The following MGAT4C variants were observed in gnomAD, a reference collection of about 807,000 sequenced individuals.
MGAT4C encodes the protein alpha-1,3-mannosyl-glycoprotein 4-beta-N-acetylglucosaminyltransferase C.
In MGAT4C, 19 loss-of-function variants were observed where a neutral mutation model predicts 40.1. That is an observed-to-expected ratio of 0.47 (90% CI 0.33 to 0.70). MGAT4C has a LOEUF of 0.70. Ranked by LOEUF, MGAT4C falls within the 30% of genes least tolerant of loss-of-function variation. The pLI, the probability that MGAT4C is intolerant of heterozygous loss-of-function variation, is 0.02. For missense variants in MGAT4C, 491 were observed against 563.2 expected (o/e 0.87, Z 1.30); for synonymous variants, 181 against 187.1 (o/e 0.97, Z 0.27).
At chr12:86,313,162 T>G (rs1954121486) in intron 4 of MGAT4C, among the ~76,000 whole-genome samples, 1 of 152,150 alleles carries the variant, frequency 6.6e-6, no homozygotes, top group Admixed American at 6.5e-5. Context: ...TTTTAAACGG[T>G]ATTGTTTTAA....
At chr12:86,095,601 C>A (rs1239517667) in intron 1 of MGAT4C, among the ~76,000 whole-genome samples, 1 of 149,760 alleles carries the variant, frequency 6.7e-6, no homozygotes, top group Non-Finnish European at 1.5e-5. Flanking sequence ...ATGCTTTTAG[C>A]TTTCCTTTTC....
chr12:86,519,193 A>AT (rs1344270817), intron 2 of MGAT4C, among the ~76,000 whole-genome samples: 1 of 152,196 alleles, frequency 6.6e-6, no homozygotes, highest in Admixed American at 6.5e-5. Flanking sequence ...TTCACTTAAC[A>AT]TAATTACCTC....
intron 1 of MGAT4C, among the ~76,000 whole-genome samples, chr12:86,246,320 G>A (rs1952026864): frequency 6.6e-6 from 1 of 151,794 alleles, no homozygotes; most frequent in African/African-American, 2.4e-5. Flanking sequence ...GGAGTAGCTG[G>A]GACTACAGGC....
At chr12:86,606,357 T>C (rs1191781808) in intron 2 of MGAT4C, among the ~76,000 whole-genome samples, 1 of 152,142 alleles carries the variant, frequency 6.6e-6, no homozygotes, top group African/African-American at 2.4e-5. Context: ...GGTGTGGACG[T>C]GGATAAATAT....
chr12:86,481,207 T>G (rs1442217812), intron 2 of MGAT4C, among the ~76,000 whole-genome samples: 1 of 152,050 alleles, frequency 6.6e-6, no homozygotes, highest in African/African-American at 2.4e-5. Flanking sequence ...TTTTTAAAAT[T>G]TTCTTGGTAA....
At chr12:85,996,403 T>C (rs562253215) in intron 2 of MGAT4C, among the ~76,000 whole-genome samples, 1 of 152,108 alleles carries the variant, frequency 6.6e-6, no homozygotes, top group African/African-American at 2.4e-5. Flanking sequence ...ATAATACAAA[T>C]AAAGCACAGA....
chr12:86,276,115 C>CA (rs138008496), intron 4 of MGAT4C, among the ~76,000 whole-genome samples: 92,854 of 142,256 alleles, frequency 0.65, 30,091 homozygotes, highest in South Asian at 0.74. Context: ...AAGACTCCGT[C>CA]AAAAAAAAAA....
At chr12:86,101,328 G>T (rs1181244698) in intron 1 of MGAT4C, among the ~76,000 whole-genome samples, 1 of 151,744 alleles carries the variant, frequency 6.6e-6, no homozygotes, top group Non-Finnish European at 1.5e-5. Context: ...TATTTACACA[G>T]AGGGTGTCTA....
intron 1 of MGAT4C, among the ~76,000 whole-genome samples, chr12:86,170,595 A>T (rs2135828950): frequency 6.6e-6 from 1 of 152,356 alleles, no homozygotes; most frequent in African/African-American, 2.4e-5. Flanking sequence ...TGAGCAATGC[A>T]AAGTTAAATA....
intron 1 of MGAT4C, among the ~76,000 whole-genome samples, chr12:86,219,491 A>G (rs1435940527): frequency 6.6e-6 from 1 of 152,172 alleles, no homozygotes; most frequent in Middle Eastern, 3.2e-3. Flanking sequence ...TTACAGAAAC[A>G]TTTCATTCAG....
At chr12:86,491,108 C>T (rs543456700) in intron 2 of MGAT4C, among the ~76,000 whole-genome samples, 1 of 152,242 alleles carries the variant, frequency 6.6e-6, no homozygotes, top group African/African-American at 2.4e-5. Context: ...GAAGTTGAAT[C>T]TCTGAATAGA....
chr12:86,726,197 T>A (rs1014053789), intron 2 of MGAT4C, among the ~76,000 whole-genome samples: 1 of 152,222 alleles, frequency 6.6e-6, no homozygotes, highest in Non-Finnish European at 1.5e-5. Flanking sequence ...TATAGCTATG[T>A]CTTCCTCCTA....
intron 2 of MGAT4C, among the ~76,000 whole-genome samples, chr12:86,455,352 GT>G (rs1957491991): frequency 6.6e-6 from 1 of 152,078 alleles, no homozygotes; most frequent in Non-Finnish European, 1.5e-5. Flanking sequence ...TTTGAGGAAA[GT>G]TTTTGCTCCT....
chr12:86,479,219 G>C (rs976930761), intron 2 of MGAT4C, among the ~76,000 whole-genome samples: 2 of 151,908 alleles, frequency 1.3e-5, no homozygotes, highest in Non-Finnish European at 2.9e-5. Flanking sequence ...AAAGATTTCT[G>C]TTCTTAAAAG....
Position 86,188,028 on chromosome 12 carries a change from A to G in MGAT4C, c.-57+68211T>C, listed in dbSNP as rs141210390. Among the ~76,000 whole-genome samples the G allele has an allele frequency of 2.3e-3, 355 of 152,204 alleles. 1 individual carries two copies. The highest frequency in any genetic ancestry group is 7.9e-3 in the African/African-American group (329 of 41,564). The stretch of plus-strand genomic sequence containing the variant: ...GATGAGATATGTGTCCTGCTGAGAT[A>G]AGAACCTGATGGGCCTTTGCCTGTC... On this transcript the variant is annotated intron_variant, in intron 1 of 4. Transcript: ENST00000611864.
chr12:86,344,075 G>C (rs1376239040), intron 3 of MGAT4C, among the ~76,000 whole-genome samples: 1 of 152,100 alleles, frequency 6.6e-6, no homozygotes, highest in Non-Finnish European at 1.5e-5. Context: ...AATAAAGTAA[G>C]AATTGCAGAT....
At chr12:86,028,658 G>A (rs1171369837) in intron 2 of MGAT4C, among the ~76,000 whole-genome samples, 3 of 151,896 alleles carry the variant, frequency 2.0e-5, no homozygotes, top group Non-Finnish European at 4.4e-5. Flanking sequence ...GAAAGCTTTA[G>A]TAGAACATCA....
chr12:86,268,662 T>TAC lies in MGAT4C; in HGVS notation c.-57+65401_-57+65402dup, dbSNP rs902797728. Reference sequence around the variant, plus strand: ...CTCAAACAAACAAAAGGATATTAACTACATATATATATATATACATATATA... The same window carrying TAC: ...CTCAAACAAACAAAAGGATATTAACTACACATATATATATATATACATATATA... On this transcript the variant is annotated intron_variant, in intron 4 of 7. Coordinates refer to the MGAT4C transcript ENST00000548651. Among the ~76,000 whole-genome samples, 8 of 59,520 alleles carry TAC rather than the reference T, an allele frequency of 1.3e-4. No homozygotes were observed. In the East Asian group the frequency reaches 0.012, roughly 92 times the overall value. The allele number at this position is 59,520 out of a possible 152,430, so 39.0% of individuals were successfully genotyped here. A position where few individuals can be genotyped will look rare whatever the true frequency, so the allele number is the denominator to read the frequency against.
intron 4 of MGAT4C, among the ~76,000 whole-genome samples, chr12:86,275,077 C>T (rs977582709): frequency 6.6e-5 from 10 of 152,170 alleles, no homozygotes. Context: ...ACAAAGCTAA[C>T]CTACAGTCAA....
Sources: allele counts gnomAD v4.1 joint callset (sites outside exome capture counted in the v4.1 genomes callset), GRCh38; gene constraint gnomAD v4.1.1; transcripts MANE v1.5; gene names NCBI Gene and HGNC (gene_info 2026-07-23, HGNC 2026-07-21).